ZNF599: variants seen among roughly 807,000 people sequenced by gnomAD.
ZNF599 encodes zinc finger protein 599.
Under a neutral mutation model 11.7 loss-of-function variants are expected in ZNF599, and 10 were observed. That is an observed-to-expected ratio of 0.86 (90% CI 0.53 to 1.45). The LOEUF (loss-of-function observed/expected upper bound fraction) is 1.45, where lower values mean the gene tolerates loss of function less well. Ranked by LOEUF, ZNF599 falls within the 40% of genes most tolerant of loss-of-function variation. ZNF599 has a pLI of 0.00. For synonymous variants in ZNF599, 232 were observed against 253.2 expected (o/e 0.92, Z 0.79); for missense variants, 688 against 713.6 (o/e 0.96, Z 0.41).
chr19:34,780,722 AAGAAAG>A, the ZNF599 span, among the ~76,000 whole-genome samples: 3 of 150,708 alleles, frequency 2.0e-5, no homozygotes, highest in African/African-American at 4.9e-5. Context: ...GAAAGAAGGA[AAGAAAG>A]AGAAAGAGAA....
chr19:34,788,923 A>G, the ZNF599 span, among the ~76,000 whole-genome samples: 1 of 152,200 alleles, frequency 6.6e-6, no homozygotes, highest in Admixed American at 6.5e-5. Flanking sequence ...ATATATTCCT[A>G]CCTCACACAG....
the ZNF599 span, among the ~76,000 whole-genome samples, chr19:34,779,243 C>CTTTTT: frequency 1.7e-5 from 1 of 57,310 alleles, no homozygotes; most frequent in African/African-American, 7.2e-5. Context: ...CCATGCCCAG[C>CTTTTT]TTTTTTTTTT....
At chr19:34,807,290 G>A in the ZNF599 span, among the ~76,000 whole-genome samples, 28 of 152,238 alleles carry the variant, frequency 1.8e-4, no homozygotes, top group African/African-American at 5.8e-4. Flanking sequence ...GGAGTCCGGC[G>A]GGTGAGGGCC....
intron 1 of ZNF599, 33 bp downstream of exon 1, chr19:34,772,791 G>C (rs1315922447): frequency 1.4e-5 from 21 of 1,534,604 alleles, no homozygotes; most frequent in Non-Finnish European, 1.8e-5. Flanking sequence ...GCGGTGACCC[G>C]AGCTCGCGCG....
At position 34,767,361 on chromosome 19, in the gene ZNF599, C is replaced by T. The variant is rs770991851; in HGVS notation, c.196G>A (p.Glu66Lys). The T allele has an allele frequency of 2.0e-5, 32 of 1,614,040 alleles. No individual in the cohort carries two copies. Among genetic ancestry groups the T allele is most frequent in the Non-Finnish European group, 2.6e-5 (31 of 1,180,030 alleles). Reference protein sequence around the residue: ...ELIYLLEHGQELWTVKRGLSQ... With the variant: ...ELIYLLEHGQKLWTVKRGLSQ... ...AGGCCTCTCTTCACTGTCCACAGTTCCTGTCCATGTTCCAGTAGATAGATC... is the reference window on the plus strand; with the variant it reads ...AGGCCTCTCTTCACTGTCCACAGTTTCTGTCCATGTTCCAGTAGATAGATC... Residue 66 changes from glutamate to lysine, a missense_variant, in exon 3 of 4, where the codon GAA becomes AAA. Coordinates refer to ENST00000329285, the MANE Select transcript of ZNF599 (RefSeq NM_001007248.3).
the ZNF599 span, among the ~76,000 whole-genome samples, chr19:34,786,192 C>T: frequency 2.6e-5 from 4 of 152,120 alleles, no homozygotes; most frequent in African/African-American, 9.7e-5. Context: ...TCCATGTTGT[C>T]TCTACATTGT....
chr19:34,792,876 G>T, the ZNF599 span, among the ~76,000 whole-genome samples: 1 of 145,058 alleles, frequency 6.9e-6, no homozygotes, highest in African/African-American at 2.6e-5. Context: ...AAAAAAAAAA[G>T]ATATTAATCC....
the ZNF599 span, among the ~76,000 whole-genome samples, chr19:34,795,726 G>A: frequency 6.6e-6 from 1 of 152,362 alleles, no homozygotes; most frequent in Non-Finnish European, 1.5e-5. Context: ...ACATTGGCTA[G>A]GGAGTACAGG....
At chr19:34,778,333 A>ATG in the ZNF599 span, among the ~76,000 whole-genome samples, 1 of 151,560 alleles carries the variant, frequency 6.6e-6, no homozygotes, top group African/African-American at 2.4e-5. Context: ...ATATATATAT[A>ATG]AGAAATCAGA....
intron 3 of ZNF599, among the ~76,000 whole-genome samples, chr19:34,761,793 A>C (rs1458719513): frequency 6.6e-6 from 1 of 152,192 alleles, no homozygotes; most frequent in Non-Finnish European, 1.5e-5. Context: ...AGTGATTAAG[A>C]CTCAACTGTC....
At chr19:34,768,507 C>A (rs994521884) in intron 2 of ZNF599, among the ~76,000 whole-genome samples, 8 of 152,214 alleles carry the variant, frequency 5.3e-5, no homozygotes, top group African/African-American at 1.7e-4. Context: ...AACTTCTGGG[C>A]AAACTGTCCA....
At chr19:34,769,333 A>AGGTT in intron 2 of ZNF599, 96 bp downstream of exon 2, 4 of 1,548,536 alleles carry the variant, frequency 2.6e-6, no homozygotes, top group Non-Finnish European at 3.6e-6. Flanking sequence ...GGATCAGGGA[A>AGGTT]GGTTGGGTTC....
At chr19:34,772,231 C>G (rs1349786720) in intron 1 of ZNF599, 1 of 791,082 alleles carries the variant, frequency 1.3e-6, no homozygotes, top group Non-Finnish European at 1.5e-6. Flanking sequence ...TGCTGTTAGG[C>G]GGCAAGCCAG....
At chr19:34,774,120 C>G (rs1474149463), upstream of ZNF599, among the ~76,000 whole-genome samples, 1 of 152,116 alleles carries the variant, frequency 6.6e-6, no homozygotes, top group Non-Finnish European at 1.5e-5. Context: ...ACAGGTAGAC[C>G]TATTGCCCAA....
At chr19:34,766,590 C>A (rs554414184) in intron 3 of ZNF599, among the ~76,000 whole-genome samples, 1 of 152,336 alleles carries the variant, frequency 6.6e-6, no homozygotes, top group South Asian at 2.1e-4. Flanking sequence ...GTGTGCTAGG[C>A]AGTTTCCTGC....
intron 3 of ZNF599, among the ~76,000 whole-genome samples, chr19:34,766,152 GA>G (rs574397630): frequency 1.8e-3 from 276 of 152,302 alleles, no homozygotes; most frequent in African/African-American, 6.3e-3. Context: ...GAATAGGGGA[GA>G]GGGGTGAAGG....
the ZNF599 span, among the ~76,000 whole-genome samples, chr19:34,790,879 C>G: frequency 2.0e-5 from 3 of 151,616 alleles, no homozygotes. Flanking sequence ...TATTATTTGT[C>G]AATTAAAAAT....
At chr19:34,803,600 G>A in the ZNF599 span, among the ~76,000 whole-genome samples, 2 of 152,184 alleles carry the variant, frequency 1.3e-5, no homozygotes, top group East Asian at 1.9e-4. Context: ...CCCAGAGGAT[G>A]TATCAGACCT....
chr19:34,773,878 A>C (rs2069202838), upstream of ZNF599, among the ~76,000 whole-genome samples: 1 of 152,108 alleles, frequency 6.6e-6, no homozygotes, highest in Non-Finnish European at 1.5e-5. Flanking sequence ...AGAACATAAG[A>C]GCTATTGCTG....
Sources: gnomAD v4.1 joint callset for allele counts (sites outside exome capture counted in the v4.1 genomes callset) on GRCh38, gnomAD v4.1.1 for gene constraint, MANE v1.5 for transcripts, NCBI Gene and HGNC (gene_info 2026-07-23, HGNC 2026-07-21) for gene names.